Variants in FAM20C observed in about 807,000 individuals in gnomAD.
The protein encoded by FAM20C is extracellular serine/threonine protein kinase FAM20C.
Under a neutral mutation model 51.5 loss-of-function variants are expected in FAM20C, and 40 were observed. That is an observed-to-expected ratio of 0.78 (90% confidence interval 0.60 to 1.01). The LOEUF is 1.01. Ranked by LOEUF, FAM20C falls within the 50% of genes least tolerant of loss-of-function variation. The pLI, the probability that FAM20C is intolerant of heterozygous loss-of-function variation, is 0.00. For synonymous variants in FAM20C, 406 were observed against 380.6 expected, an observed-to-expected ratio of 1.07 and a Z score of -0.78; for missense variants, 861 against 844.7, an observed-to-expected ratio of 1.02 and a Z score of -0.24.
chr7:257,646 C>A (rs1208421948), intron 8 of FAM20C, among the ~76,000 whole-genome samples: 1 of 152,180 alleles, frequency 6.6e-6, no homozygotes, highest in African/African-American at 2.4e-5. Flanking sequence ...GCTGACGCTC[C>A]CTGGAGCCAT....
intron 3 of FAM20C, among the ~76,000 whole-genome samples, chr7:211,682 G>A (rs916095577): frequency 2.6e-5 from 4 of 152,224 alleles, no homozygotes; most frequent in Non-Finnish European, 5.9e-5. Flanking sequence ...AGTGTGACGC[G>A]TGGGCTAAGC....
intron 3 of FAM20C, among the ~76,000 whole-genome samples, chr7:212,526 C>G (rs532865691): frequency 3.3e-4 from 50 of 152,220 alleles, no homozygotes; most frequent in African/African-American, 1.2e-3. Context: ...TCGGTGAGTT[C>G]CTAGTACAAC....
chr7:197,464 G>T (rs189197730), intron 2 of FAM20C: 1 of 167,000 alleles, frequency 6.0e-6, no homozygotes, highest in Non-Finnish European at 1.5e-5. Context: ...GGAGCAGCAC[G>T]CAAGTTAGAA....
At chr7:215,068 C>T (rs970221841) in intron 3 of FAM20C, among the ~76,000 whole-genome samples, 21 of 152,004 alleles carry the variant, frequency 1.4e-4, no homozygotes, top group African/African-American at 2.7e-4. Flanking sequence ...CTCCTATGCT[C>T]CACGGGAGAC....
At chr7:249,173 C>A (rs527303617) in intron 5 of FAM20C, among the ~76,000 whole-genome samples, 2 of 152,252 alleles carry the variant, frequency 1.3e-5, no homozygotes, top group Non-Finnish European at 2.9e-5. Flanking sequence ...CCTCCCCACT[C>A]GGACTTAAAC....
intron 8 of FAM20C, 154 bp downstream of exon 8, chr7:257,240 G>A: frequency 3.8e-6 from 3 of 787,408 alleles, no homozygotes; most frequent in Non-Finnish European, 5.9e-6. Flanking sequence ...GATGCAGAGG[G>A]CGGCCCCAGG....
chr7:235,002 C>G (rs953281095), intron 3 of FAM20C, among the ~76,000 whole-genome samples: 54 of 152,286 alleles, frequency 3.5e-4, no homozygotes, highest in African/African-American at 1.1e-3. Flanking sequence ...CACAGTCATG[C>G]CAGGAATGGG....
At chr7:219,726 G>A (rs1309642897) in intron 3 of FAM20C, among the ~76,000 whole-genome samples, 1 of 152,218 alleles carries the variant, frequency 6.6e-6, no homozygotes, top group Non-Finnish European at 1.5e-5. Flanking sequence ...GGTAAGGACG[G>A]GGAGGGCAGG....
chr7:209,066 C>T (rs1786582863), intron 3 of FAM20C, 90 bp downstream of exon 3: 2 of 1,334,446 alleles, frequency 1.5e-6, no homozygotes, highest in African/African-American at 1.5e-5. Context: ...GCCGTGTCTC[C>T]TCCCAGGGTG....
chr7:256,463 G>A (rs1016854971), intron 6 of FAM20C, 191 bp from the exon 7 acceptor site: 2 of 606,118 alleles, frequency 3.3e-6, no homozygotes, highest in African/African-American at 1.9e-5. Context: ...TCACCCCGAG[G>A]CAGGGCAGAG....
intron 3 of FAM20C, among the ~76,000 whole-genome samples, chr7:213,941 G>C (rs564335221): frequency 3.5e-4 from 54 of 152,254 alleles, no homozygotes; most frequent in African/African-American, 1.3e-3. Flanking sequence ...ATGTGGGCAC[G>C]GGCCATTGAC....
chr7:193,051 C>G lies in FAM20C; in HGVS notation c.-149C>G, dbSNP rs1254602654. 4.0e-6 allele frequency: 2 copies of G among 503,870 alleles called. No individual in the cohort carries two copies. Among genetic ancestry groups the G allele is most frequent in the African/African-American group, 2.1e-5 (1 of 48,094 alleles). The allele number at this position is 503,870 out of a possible 1,614,324, so 31.2% of individuals were successfully genotyped here. ...GCTCCGGCGGCGGGCGCCCTGCACG[C>G]GGCCCGGGCCCGGGGACAGCCCCGG... On this transcript the variant is annotated 5_prime_UTR_variant, in exon 1 of 10. Coordinates refer to ENST00000313766, the MANE Select transcript of FAM20C (RefSeq NM_020223.4).
intron 3 of FAM20C, among the ~76,000 whole-genome samples, chr7:219,432 A>G (rs1480513887): frequency 7.0e-5 from 10 of 142,788 alleles, no homozygotes; most frequent in African/African-American, 2.7e-4. Flanking sequence ...CAGGACAGCA[A>G]TGGCCAGCCC....
At chr7:246,883 C>T (rs146937049) in intron 4 of FAM20C, among the ~76,000 whole-genome samples, 3 of 152,280 alleles carry the variant, frequency 2.0e-5, no homozygotes, top group Non-Finnish European at 4.4e-5. Flanking sequence ...CCTAATCATC[C>T]CTCTGTCACC....
At chr7:237,838 G>GTGATGATGATGGTGATGGTGA (rs1787894942) in intron 3 of FAM20C, among the ~76,000 whole-genome samples, 3 of 296 alleles carry the variant, frequency 0.01, no homozygotes, top group South Asian at 0.056. Context: ...AATAGTGATA[G>GTGATGATGATGGTGATGGTGA]TGATGATGNN....
chr7:194,469 C>T (rs1242100291), intron 1 of FAM20C, among the ~76,000 whole-genome samples: 1 of 150,456 alleles, frequency 6.6e-6, no homozygotes, highest in Non-Finnish European at 1.5e-5. Flanking sequence ...TACACCGAAG[C>T]AGTGGAACAT....
In FAM20C at chr7:258,726, G is replaced by GGCTCCA. The variant is rs994385144; in HGVS notation, c.1505+28_1505+33dup. The GGCTCCA allele has an allele frequency of 6.5e-5, 99 of 1,530,792 alleles. 1 individual carries two copies. The African/African-American group carries it at 8.8e-4, about 14-fold the overall frequency. 94.8% of individuals were successfully genotyped at this position (1,530,792 alleles called of 1,614,324 possible). On this transcript the variant is annotated intron_variant, in intron 9 of 9. Coordinates refer to ENST00000313766, the MANE Select transcript of FAM20C (RefSeq NM_020223.4). ...TGCAGGTACAGCCCCTGCCGGAGCC[G>GGCTCCA]GCTCCAGCTCCACCCTCCTCCCTAC...
intron 2 of FAM20C, among the ~76,000 whole-genome samples, chr7:204,050 C>A (rs1562365919): frequency 6.6e-6 from 1 of 152,244 alleles, no homozygotes; most frequent in Non-Finnish European, 1.5e-5. Context: ...AAACTAAAGT[C>A]AACCACGGTT....
At chr7:218,626 C>A (rs1787111908) in intron 3 of FAM20C, among the ~76,000 whole-genome samples, 1 of 151,958 alleles carries the variant, frequency 6.6e-6, no homozygotes, top group South Asian at 2.1e-4. Flanking sequence ...CTGGACATGA[C>A]CCGTGTCCAC....
Sources: allele counts gnomAD v4.1 joint callset (sites outside exome capture counted in the v4.1 genomes callset), GRCh38; gene constraint gnomAD v4.1.1; transcripts MANE v1.5; gene names NCBI Gene and HGNC (gene_info 2026-07-23, HGNC 2026-07-21).